MINDY3: variants seen among roughly 807,000 people sequenced by gnomAD.
The protein encoded by MINDY3 is ubiquitin carboxyl-terminal hydrolase MINDY-3.
MINDY3 carries 38 observed loss-of-function variants against 69.2 expected under a neutral mutation model. The observed-to-expected ratio is 0.55, with a 90% CI of 0.42 to 0.72. The LOEUF is 0.72. MINDY3 is among the 30% of genes least tolerant of loss of function. MINDY3 has a pLI of 0.00. For synonymous variants in MINDY3, 192 were observed against 180.1 expected (o/e 1.07, Z -0.53); for missense variants, 522 against 519.0 (o/e 1.01, Z -0.06).
intron 12 of MINDY3, among the ~76,000 whole-genome samples, chr10:15,787,010 T>TAACA (rs1008733359): frequency 1.3e-5 from 2 of 152,188 alleles, no homozygotes; most frequent in African/African-American, 4.8e-5. Flanking sequence ...GGCATTTAAC[T>TAACA]AACAAAATGT....
At chr10:15,832,308 CAT>C (rs1564509512) in intron 8 of MINDY3, among the ~76,000 whole-genome samples, 1 of 151,964 alleles carries the variant, frequency 6.6e-6, no homozygotes, top group Admixed American at 6.6e-5. Context: ...CTTCCCTAAT[CAT>C]ATGAGATAAG....
chr10:15,838,336 C>T (rs888238924), intron 4 of MINDY3, 57 bp from the exon 5 acceptor site: 1 of 1,445,328 alleles, frequency 6.9e-7, no homozygotes, highest in South Asian at 1.4e-5. Context: ...ACACAAGATA[C>T]ACACAGCAGG....
rs549949063 is a variant in MINDY3, at chr10:15,848,744, TTGAC to T, written c.95-805_95-802del. 4.2e-3 allele frequency among the ~76,000 whole-genome samples: 637 copies of T among 151,706 alleles called. 2 individuals are homozygous for T. The highest frequency in any genetic ancestry group is 0.014 in the African/African-American group (570 of 41,254). On this transcript the variant is annotated intron_variant, in intron 1 of 14. Transcript: ENST00000277632. The stretch of plus-strand genomic sequence containing the variant: ...TAATTTAAATATTACCCAACCAGCA[TTGAC>T]TGATAGCAGCTAGCGGAAGTTCTTC...
At chr10:15,792,220 A>C (rs187683835) in intron 11 of MINDY3, among the ~76,000 whole-genome samples, 123 of 152,176 alleles carry the variant, frequency 8.1e-4, no homozygotes, top group African/African-American at 2.8e-3. Flanking sequence ...ACCAGAGCTG[A>C]GCTTTTCCAG....
chr10:15,781,272 G>A (rs1015663426), intron 14 of MINDY3, among the ~76,000 whole-genome samples: 1 of 151,696 alleles, frequency 6.6e-6, no homozygotes, highest in African/African-American at 2.4e-5. Context: ...TTAAAATTAT[G>A]TACTTAATTT....
chr10:15,801,840 A>G (rs1427471517), intron 10 of MINDY3, among the ~76,000 whole-genome samples: 1 of 151,936 alleles, frequency 6.6e-6, no homozygotes, highest in Non-Finnish European at 1.5e-5. Flanking sequence ...AGAGCCAATC[A>G]GAGTAAAGGG....
intron 10 of MINDY3, among the ~76,000 whole-genome samples, chr10:15,800,837 C>T (rs982752029): frequency 6.6e-6 from 1 of 152,084 alleles, no homozygotes; most frequent in Non-Finnish European, 1.5e-5. Flanking sequence ...TGCAAAATAC[C>T]TCCTTGTACA....
chr10:15,823,957 C>T (rs868483916), intron 8 of MINDY3, among the ~76,000 whole-genome samples: 3 of 152,224 alleles, frequency 2.0e-5, no homozygotes, highest in Admixed American at 6.6e-5. Flanking sequence ...GTTCCATTCA[C>T]GTATACTGCA....
chr10:15,816,849 CGGTGA>C lies in MINDY3; in HGVS notation c.863_867del (p.Leu288ArgfsTer13). 1 of 1,611,794 alleles carries C rather than the reference CGGTGA, an allele frequency of 6.2e-7. No homozygotes were observed. On this transcript the variant is annotated frameshift_variant, in exon 10 of 15. Transcript: ENST00000277632. LOFTEE classifies it high-confidence loss of function. ...TATAAGCATACCTTGGCAAAAAATA[CGGTGA>C]GGTGAGTCTCACTGCCAACAATCCA...
chr10:15,857,916 C>T (rs1316967312), intron 1 of MINDY3: 3 of 982,260 alleles, frequency 3.1e-6, no homozygotes, highest in Non-Finnish European at 3.6e-6. Context: ...CTGTATCTTG[C>T]TTCCAGAAAA....
At chr10:15,822,156 G>T (rs186937702) in intron 8 of MINDY3, among the ~76,000 whole-genome samples, 4 of 152,274 alleles carry the variant, frequency 2.6e-5, no homozygotes, top group Non-Finnish European at 5.9e-5. Flanking sequence ...TTAGGTAGCA[G>T]TGACTCCACT....
At chr10:15,838,015 G>GT in intron 5 of MINDY3, 1 of 979,044 alleles carries the variant, frequency 1.0e-6, no homozygotes, top group Non-Finnish European at 1.2e-6. Context: ...TTTGAAAAGC[G>GT]TATCTGGGTA....
Position 15,778,246 on chromosome 10 carries a change from CAG to C in MINDY3, c.*744_*745del, listed in dbSNP as rs1564441938. 2.0e-5 allele frequency: 3 copies of C among 152,156 alleles called. No individual in the cohort carries two copies. The highest frequency in any genetic ancestry group is 4.1e-4 in the South Asian group (2 of 4,834). The allele number at this position is 152,156 out of a possible 1,614,324, so 9.4% of individuals were successfully genotyped here. A position where few individuals can be genotyped will look rare whatever the true frequency, so the allele number is the denominator to read the frequency against. On this transcript the variant is annotated 3_prime_UTR_variant, in exon 15 of 15. Coordinates refer to ENST00000277632, the MANE Select transcript of MINDY3 (RefSeq NM_024948.4). The stretch of plus-strand genomic sequence containing the variant: ...ATAACGTAATATACTAATGTAATAA[CAG>C]ATCTTCTCATGCATTTATCGTGTTT...
rs199562837 is a variant in MINDY3 at position 15,779,132 on chromosome 10, C to T, written c.1198G>A (p.Val400Ile). 3.7e-5 allele frequency: 60 copies of T among 1,612,422 alleles called. No homozygotes were observed. The highest frequency in any genetic ancestry group is 1.6e-4 in the Middle Eastern group (1 of 6,078). Residue 400 changes from valine to isoleucine, a missense_variant, in exon 15 of 15, where the codon GTA (valine) becomes ATA (isoleucine). Transcript: ENST00000277632. ...CCCATCACAACTGCAGTCCCTTCTACGTACATGACCTGTTGAACAAAATAA... is the reference window on the plus strand; with the variant it reads ...CCCATCACAACTGCAGTCCCTTCTATGTACATGACCTGTTGAACAAAATAA... The part of the protein sequence containing the change: ...QSNYNEKVMY[V>I]EGTAVVMGFE...
At chr10:15,780,383 G>A (rs1253275138) in intron 14 of MINDY3, among the ~76,000 whole-genome samples, 5 of 151,978 alleles carry the variant, frequency 3.3e-5, no homozygotes, top group African/African-American at 9.7e-5. Flanking sequence ...ACTACAACTC[G>A]GGCTTTTCAG....
chr10:15,782,099 C>G (rs1712997494), intron 14 of MINDY3, 56 bp downstream of exon 14: 1 of 1,237,438 alleles, frequency 8.1e-7, no homozygotes, highest in African/African-American at 1.5e-5. Flanking sequence ...GTTACATACT[C>G]ACATAATTAT....
chr10:15,822,568 A>G (rs1420061219), intron 8 of MINDY3, among the ~76,000 whole-genome samples: 2 of 152,216 alleles, frequency 1.3e-5, no homozygotes, highest in Non-Finnish European at 2.9e-5. Flanking sequence ...CTGGGGGGAC[A>G]TGATAAATAG....
At chr10:15,825,275 G>A (rs777236906) in intron 8 of MINDY3, among the ~76,000 whole-genome samples, 4 of 152,152 alleles carry the variant, frequency 2.6e-5, no homozygotes, top group East Asian at 1.9e-4. Context: ...GAAAAAAATC[G>A]AAATCTTAAA....
At chr10:15,798,303 G>A (rs1352962631) in intron 10 of MINDY3, among the ~76,000 whole-genome samples, 1 of 152,010 alleles carries the variant, frequency 6.6e-6, no homozygotes, top group African/African-American at 2.4e-5. Context: ...TAAAGTTTGG[G>A]AAATTATCGC....
Sources: allele counts gnomAD v4.1 joint callset (sites outside exome capture counted in the v4.1 genomes callset), GRCh38; gene constraint gnomAD v4.1.1; transcripts MANE v1.5; gene names NCBI Gene and HGNC (gene_info 2026-07-23, HGNC 2026-07-21).